Variants in SRSF12 observed in about 807,000 individuals in gnomAD.
SRSF12 encodes the protein serine and arginine rich splicing factor 12, also known as serine/arginine-rich splicing factor 12.
In SRSF12, 21 loss-of-function variants were observed where a neutral mutation model predicts 34.1. The observed-to-expected ratio is 0.62, with a 90% CI of 0.44 to 0.89. The LOEUF is 0.89. Among genes scored for constraint, SRSF12 ranks in the 40% least tolerant of loss-of-function variants. SRSF12 has a pLI of 0.00. For missense variants in SRSF12, 278 were observed against 327.8 expected (o/e 0.85, Z 1.17); for synonymous variants, 111 against 110.8 (o/e 1.00, Z -0.01).
chr6:89,101,258 G>A (rs1486114769), intron 4 of SRSF12, among the ~76,000 whole-genome samples: 1 of 152,166 alleles, frequency 6.6e-6, no homozygotes, highest in Non-Finnish European at 1.5e-5. Flanking sequence ...CCAGAGGAAA[G>A]ACTGAATAAG....
In SRSF12 at chr6:89,117,834, C is replaced by T; in HGVS notation, c.54G>A (p.Ala18=). The stretch of plus-strand genomic sequence containing the variant: ...CCGCGGCCGTTCACCTGGTGGCGTC[C>T]GCGACGTTCCTGATGAACAGGGAGG... The part of the protein sequence containing the change: ...PNTSLFIRNV[A]DATRPEDLRR... The change falls in exon 1 of 5, where the codon GCG becomes GCA. Residue 18 remains alanine, a synonymous_variant. Coordinates refer to ENST00000452027, the MANE Select transcript of SRSF12 (RefSeq NM_080743.5). 1.3e-6 allele frequency: 2 copies of T among 1,558,430 alleles called. No homozygotes were observed. The highest frequency in any genetic ancestry group is 1.7e-6 in the Non-Finnish European group (2 of 1,154,890).
rs553363415 is a variant in SRSF12, at chr6:89,102,237, G to A, written c.416+2882C>T. ...TGGCTCACTGCAACCTCTGTCTCCC[G>A]GGTTCAAGCGATTCTCCTGCCTCAA... On this transcript the variant is annotated intron_variant, in intron 4 of 4. Coordinates refer to ENST00000452027, the MANE Select transcript of SRSF12 (RefSeq NM_080743.5). Among the ~76,000 whole-genome samples, 291 of 152,038 alleles carry A rather than the reference G, an allele frequency of 1.9e-3. 4 individuals are homozygous for A. Among genetic ancestry groups the A allele is most frequent in the African/African-American group, 6.5e-3 (271 of 41,496 alleles).
rs1264694435 is a variant in SRSF12, at chr6:89,097,055, T to G, written c.*1523A>C. On this transcript the variant is annotated 3_prime_UTR_variant, in exon 5 of 5. Coordinates refer to ENST00000452027, the MANE Select transcript of SRSF12 (RefSeq NM_080743.5). The stretch of plus-strand genomic sequence containing the variant: ...TTAATTTATGGCACTTGTCCAAATA[T>G]TACCAGCATACAAATTATTGTTTAA... 3 of 152,202 alleles carry G rather than the reference T, an allele frequency of 2.0e-5. No homozygotes were observed. The highest frequency in any genetic ancestry group is 7.2e-5 in the African/African-American group (3 of 41,464). 9.4% of individuals were successfully genotyped at this position (152,202 alleles called of 1,614,324 possible). A position where few individuals can be genotyped will look rare whatever the true frequency, so the allele number is the denominator to read the frequency against.
chr6:89,111,089 G>C (rs1288470371), intron 1 of SRSF12, among the ~76,000 whole-genome samples: 1 of 151,724 alleles, frequency 6.6e-6, no homozygotes, highest in African/African-American at 2.4e-5. Flanking sequence ...TCCAGTCTGG[G>C]AAGACAGGGT....
intron 2 of SRSF12, chr6:89,106,600 A>T (rs1768798979): frequency 6.3e-6 from 1 of 159,856 alleles, no homozygotes; most frequent in Admixed American, 6.0e-5. Flanking sequence ...TTTTTTTAGG[A>T]GGTTGTTCAC....
intron 4 of SRSF12, among the ~76,000 whole-genome samples, chr6:89,099,861 C>A (rs1768458563): frequency 6.6e-6 from 1 of 152,040 alleles, no homozygotes; most frequent in South Asian, 2.1e-4. Flanking sequence ...AAAAGCTACA[C>A]AACATTTATA....
In SRSF12 at chr6:89,105,499, G is replaced by C; in HGVS notation, c.202C>G (p.Leu68Val). Residue 68 changes from leucine to valine, a missense_variant, in exon 3 of 5, where the codon CTT becomes GTT. Transcript: ENST00000452027. ...FEDVRDAEDA[L>V]YNLNRKWVCG... ...ACCCACTTTCTATTGAGGTTATAAA[G>C]AGCATCTTCAGCATCTCGAACATCT... is the stretch of plus-strand genomic sequence containing the variant. The C allele has an allele frequency of 1.2e-6, 2 of 1,609,372 alleles. No homozygotes were observed. Among genetic ancestry groups the C allele is most frequent in the Non-Finnish European group, 1.7e-6 (2 of 1,178,264 alleles).
rs559546733 is a variant in SRSF12, at chr6:89,107,181, C to T, written c.143G>A (p.Arg48His). 5.6e-6 allele frequency: 9 copies of T among 1,613,892 alleles called. No individual in the cohort carries two copies. The highest frequency in any genetic ancestry group is 5.3e-5 in the African/African-American group (4 of 74,994). ...AACATAAGCAAATCCTCTTGGGCGG[C>T]GAGTGTAGAAGTCAAGTGGAATGTA... ...DVYIPLDFYT[R>H]RPRGFAYVQF... The change falls in exon 2 of 5, where the codon CGC (arginine) becomes CAC (histidine). Residue 48 changes from arginine (R) to histidine (H), a missense_variant. Physicochemically the swap from Arg to His is conservative, Grantham distance 29. Coordinates refer to ENST00000452027, the MANE Select transcript of SRSF12 (RefSeq NM_080743.5).
chr6:89,098,923 A>AT lies in SRSF12; in HGVS notation c.440dup (p.Tyr147Ter). 1.2e-6 allele frequency: 2 copies of AT among 1,613,714 alleles called. No individual in the cohort carries two copies. Among genetic ancestry groups the AT allele is most frequent in the Non-Finnish European group, 1.7e-6 (2 of 1,179,726 alleles). ...LKESRHRRFS[Y>*]SQSKSRSKSL... ...ATTTGGAACGAGATTTAGACTGGCTATAAGAAAATCGCCTGTGTCGAGACC... is the reference window on the plus strand; with the variant it reads ...ATTTGGAACGAGATTTAGACTGGCTATTAAGAAAATCGCCTGTGTCGAGACC... The change falls in exon 5 of 5, where the codon TAT becomes TAAT. Residue 147 changes from tyrosine (Y) to a stop codon, truncating the protein, a stop_gained and frameshift_variant. Transcript: ENST00000452027. LOFTEE classifies it high-confidence loss of function.
chr6:89,107,012 G>T, intron 2 of SRSF12, 142 bp downstream of exon 2: 1 of 881,520 alleles, frequency 1.1e-6, no homozygotes, highest in Non-Finnish European at 1.8e-6. Flanking sequence ...AGCTACTGTG[G>T]ACTGCTTTAG....
intron 1 of SRSF12, among the ~76,000 whole-genome samples, chr6:89,115,821 G>C (rs985312850): frequency 1.3e-5 from 2 of 151,104 alleles, no homozygotes; most frequent in Non-Finnish European, 2.9e-5. Flanking sequence ...ATTTTTAGTA[G>C]AGACGGGGTT....
chr6:89,117,299 A>G (rs556014511), intron 1 of SRSF12, among the ~76,000 whole-genome samples: 55 of 152,376 alleles, frequency 3.6e-4, no homozygotes, highest in Non-Finnish European at 8.8e-5. Context: ...AAATGCAAGC[A>G]GCACCGTCTG....
chr6:89,117,736 C>CCTCCGCCGGGCCTCGGCCGTG (rs1769379813), intron 1 of SRSF12, 87 bp downstream of exon 1: 1 of 1,332,504 alleles, frequency 7.5e-7, no homozygotes, highest in Non-Finnish European at 9.8e-7. Context: ...CTCCCCCGAG[C>CCTCCGCCGGGCCTCGGCCGTG]CTCCGCCGGG....
intron 2 of SRSF12, 78 bp from the exon 3 acceptor site, chr6:89,105,608 G>A: frequency 2.0e-6 from 2 of 1,017,994 alleles, no homozygotes; most frequent in South Asian, 2.4e-5. Flanking sequence ...CATGTGAAAT[G>A]AAATTAATAG....
chr6:89,107,930 G>C (rs1435291095), intron 1 of SRSF12, among the ~76,000 whole-genome samples: 1 of 152,124 alleles, frequency 6.6e-6, no homozygotes, highest in Admixed American at 6.6e-5. Flanking sequence ...GACCTAATAA[G>C]TAATTGTTTC....
At chr6:89,115,940 T>A (rs976961961) in intron 1 of SRSF12, among the ~76,000 whole-genome samples, 1 of 151,892 alleles carries the variant, frequency 6.6e-6, no homozygotes, top group Non-Finnish European at 1.5e-5. Context: ...CGGCCACGAA[T>A]GGGATTTTCA....
At chr6:89,109,612 T>C (rs145935417) in intron 1 of SRSF12, among the ~76,000 whole-genome samples, 84 of 152,304 alleles carry the variant, frequency 5.5e-4, no homozygotes, top group Non-Finnish European at 8.8e-4. Flanking sequence ...CACAGAGGTC[T>C]GGAGTCTGGA....
intron 1 of SRSF12, among the ~76,000 whole-genome samples, chr6:89,108,129 C>G (rs982692916): frequency 6.6e-6 from 1 of 152,148 alleles, no homozygotes; most frequent in African/African-American, 2.4e-5. Context: ...GTATTTCGAG[C>G]CTGCTTATGT....
chr6:89,112,321 T>A (rs954927014), intron 1 of SRSF12, among the ~76,000 whole-genome samples: 1 of 152,170 alleles, frequency 6.6e-6, no homozygotes, highest in Non-Finnish European at 1.5e-5. Flanking sequence ...TTTAATTTTT[T>A]AAAAATTTGT....
Sources: allele counts gnomAD v4.1 joint callset (sites outside exome capture counted in the v4.1 genomes callset), GRCh38; gene constraint gnomAD v4.1.1; transcripts MANE v1.5; gene names NCBI Gene and HGNC (gene_info 2026-07-23, HGNC 2026-07-21).